ATRNL1: variants seen among roughly 807,000 people sequenced by gnomAD.
The protein encoded by ATRNL1 is attractin-like protein 1.
ATRNL1 carries 95 observed loss-of-function variants against 182.7 expected under a neutral mutation model. The ratio of observed to expected loss-of-function variants is 0.52; its 90% CI spans 0.44 to 0.62. The LOEUF is 0.62. ATRNL1 is among the 20% of genes least tolerant of loss of function. The probability of loss-of-function intolerance (pLI) is 0.00; values close to 1 mark genes in which losing one functional copy is unlikely to be tolerated. For missense variants in ATRNL1, 1,471 were observed against 1,679.5 expected (o/e 0.88, Z 2.17); for synonymous variants, 576 against 568.3 (o/e 1.01, Z -0.19).
intron 19 of ATRNL1, among the ~76,000 whole-genome samples, chr10:115,387,792 C>T (rs1843743483): frequency 6.6e-6 from 1 of 151,864 alleles, no homozygotes; most frequent in Admixed American, 6.6e-5. Context: ...GAATTATATT[C>T]CATTGTATGG....
intron 28 of ATRNL1, among the ~76,000 whole-genome samples, chr10:115,915,358 A>C (rs1952816029): frequency 6.6e-6 from 1 of 152,020 alleles, no homozygotes; most frequent in South Asian, 2.1e-4. Flanking sequence ...AGATCGCGCC[A>C]CTGCACTCCA....
rs75322298 is a variant in ATRNL1, at chr10:115,651,001, C to G, written c.3796-76247C>G. 2.6e-3 allele frequency among the ~76,000 whole-genome samples: 395 copies of G among 152,176 alleles called. 1 individual carries two copies. The highest frequency in any genetic ancestry group is 8.9e-3 in the African/African-American group (371 of 41,508). ...TGGAATATGTGCTATCTAAGAATATCTACATGTGCTTCAATACATATACTT... is the reference window on the plus strand; with the variant it reads ...TGGAATATGTGCTATCTAAGAATATGTACATGTGCTTCAATACATATACTT... On this transcript the variant is annotated intron_variant, in intron 26 of 28. Coordinates refer to ENST00000355044, the MANE Select transcript of ATRNL1 (RefSeq NM_207303.4).
At chr10:115,225,340 G>A (rs1227972254) in intron 9 of ATRNL1, among the ~76,000 whole-genome samples, 2 of 151,698 alleles carry the variant, frequency 1.3e-5, no homozygotes, top group Non-Finnish European at 2.9e-5. Flanking sequence ...AAGGACACAT[G>A]AAAACTTTAC....
intron 9 of ATRNL1, among the ~76,000 whole-genome samples, chr10:115,227,877 T>C (rs1232323310): frequency 2.0e-5 from 3 of 152,106 alleles, no homozygotes; most frequent in African/African-American, 4.8e-5. Context: ...TGATATAAAG[T>C]TCAGCACCAG....
chr10:115,498,756 T>A (rs1554979173), intron 24 of ATRNL1, among the ~76,000 whole-genome samples: 1 of 152,034 alleles, frequency 6.6e-6, no homozygotes, highest in African/African-American at 2.4e-5. Flanking sequence ...ATTTTTATAA[T>A]GCAAATGTTT....
chr10:115,243,581 T>C (rs1850510938), intron 10 of ATRNL1, among the ~76,000 whole-genome samples: 1 of 152,064 alleles, frequency 6.6e-6, no homozygotes, highest in East Asian at 1.9e-4. Flanking sequence ...CTAAAACTTG[T>C]GGTAGTCTTT....
chr10:115,389,587 TATA>T (rs1554953879), intron 19 of ATRNL1, among the ~76,000 whole-genome samples: 7 of 108,090 alleles, frequency 6.5e-5, no homozygotes, highest in East Asian at 2.7e-4. Flanking sequence ...TATATATATA[TATA>T]TTTCATCCAA....
chr10:115,541,262 C>T (rs1255588523), intron 25 of ATRNL1, among the ~76,000 whole-genome samples: 1 of 152,030 alleles, frequency 6.6e-6, no homozygotes, highest in African/African-American at 2.4e-5. Context: ...GACTGACATA[C>T]ACTTCACAAA....
intron 1 of ATRNL1, among the ~76,000 whole-genome samples, chr10:115,097,193 A>T (rs1313086567): frequency 6.6e-6 from 1 of 152,192 alleles, no homozygotes; most frequent in Non-Finnish European, 1.5e-5. Context: ...CGCATTTAAA[A>T]TGGAAGTATG....
chr10:115,612,610 A>T (rs1366334056), intron 26 of ATRNL1, among the ~76,000 whole-genome samples: 1 of 152,192 alleles, frequency 6.6e-6, no homozygotes, highest in Non-Finnish European at 1.5e-5. Flanking sequence ...CCTTGTGGAG[A>T]CAGTATGTCA....
chr10:115,354,577 A>G lies in ATRNL1; in HGVS notation c.3175+20158A>G, dbSNP rs1856421378. On this transcript the variant is annotated intron_variant, in intron 19 of 28. Coordinates refer to ENST00000355044, the MANE Select transcript of ATRNL1 (RefSeq NM_207303.4). ...GCCAGAAATATCAGAGCTCCTTTAT[A>G]TGTTATTTACTTTTTTCTTCTTGTT... 2.0e-5 allele frequency among the ~76,000 whole-genome samples: 3 copies of G among 152,058 alleles called. No individual in the cohort carries two copies. The South Asian group carries it at 6.2e-4, about 32-fold the overall frequency.
rs1378415241 is a variant in ATRNL1, at chr10:115,310,226, G to A, written c.2819-5292G>A. 2.6e-5 allele frequency among the ~76,000 whole-genome samples: 4 copies of A among 152,150 alleles called. No individual in the cohort carries two copies. In the East Asian group the frequency reaches 7.7e-4, roughly 29 times the overall value. ...GATCATGATGAATTATCTTTTTGATGTGCCACTGGATTCAGCTTGCTAGTA... is the reference window on the plus strand; with the variant it reads ...GATCATGATGAATTATCTTTTTGATATGCCACTGGATTCAGCTTGCTAGTA... On this transcript the variant is annotated intron_variant, in intron 17 of 28. Transcript: ENST00000355044.
At chr10:115,803,020 C>G (rs72828809) in intron 27 of ATRNL1, among the ~76,000 whole-genome samples, 1 of 152,118 alleles carries the variant, frequency 6.6e-6, no homozygotes, top group Non-Finnish European at 1.5e-5. Context: ...CAAAATTACA[C>G]CTGAATTTCA....
intron 18 of ATRNL1, among the ~76,000 whole-genome samples, chr10:115,317,034 T>C (rs2134018534): frequency 6.6e-6 from 1 of 152,262 alleles, no homozygotes; most frequent in Non-Finnish European, 1.5e-5. Flanking sequence ...CTTCTAGGGT[T>C]TTTTATGGTT....
chr10:115,303,703 AT>A (rs756458860), intron 17 of ATRNL1, among the ~76,000 whole-genome samples: 10 of 151,750 alleles, frequency 6.6e-5, no homozygotes, highest in African/African-American at 2.2e-4. Flanking sequence ...GACTCCTTGG[AT>A]TTTTTTTTCT....
At chr10:115,676,868 A>G (rs1555043225) in intron 26 of ATRNL1, among the ~76,000 whole-genome samples, 1 of 152,044 alleles carries the variant, frequency 6.6e-6, no homozygotes. Context: ...CATGTCAGAT[A>G]TGCTTAAATA....
chr10:115,269,982 C>T (rs1851772012), intron 13 of ATRNL1, among the ~76,000 whole-genome samples: 1 of 151,714 alleles, frequency 6.6e-6, no homozygotes, highest in Non-Finnish European at 1.5e-5. Context: ...ATATACTTTC[C>T]AGTGATACAA....
chr10:115,806,723 T>A (rs1351504494), intron 27 of ATRNL1, among the ~76,000 whole-genome samples: 2 of 152,126 alleles, frequency 1.3e-5, no homozygotes, highest in African/African-American at 2.4e-5. Context: ...ACTGCCTGAG[T>A]TTAAAATCTG....
At chr10:115,888,342 G>A (rs1424109158) in intron 28 of ATRNL1, among the ~76,000 whole-genome samples, 1 of 152,092 alleles carries the variant, frequency 6.6e-6, no homozygotes, top group Non-Finnish European at 1.5e-5. Flanking sequence ...CATTTTTGAT[G>A]TCTTTGATTA....
Sources: allele counts gnomAD v4.1 joint callset (sites outside exome capture counted in the v4.1 genomes callset), GRCh38; gene constraint gnomAD v4.1.1; transcripts MANE v1.5; gene names NCBI Gene and HGNC (gene_info 2026-07-23, HGNC 2026-07-21).